The following GALM variants were observed in gnomAD, a reference collection of about 807,000 sequenced individuals.
GALM encodes aldose 1-epimerase.
Under a neutral mutation model 37.4 loss-of-function variants are expected in GALM, and 43 were observed. That is an observed-to-expected ratio of 1.15 (90% CI 0.90 to 1.48). GALM has a LOEUF of 1.48. GALM is among the 40% of genes most tolerant of loss of function. The pLI, the probability that GALM is intolerant of heterozygous loss-of-function variation, is 0.00. For missense variants in GALM, 456 were observed against 419.1 expected, an observed-to-expected ratio of 1.09 and a Z score of -0.77; for synonymous variants, 199 against 170.6, an observed-to-expected ratio of 1.17 and a Z score of -1.30.
chr2:38,713,092 T>G (rs2148450099), intron 4 of GALM, among the ~76,000 whole-genome samples: 1 of 152,264 alleles, frequency 6.6e-6, no homozygotes, highest in East Asian at 1.9e-4. Flanking sequence ...TGTGGGAGCC[T>G]TGCGACTTTT....
At chr2:38,723,167 A>G (rs1317059579) in intron 4 of GALM, among the ~76,000 whole-genome samples, 1 of 152,170 alleles carries the variant, frequency 6.6e-6, no homozygotes, top group Non-Finnish European at 1.5e-5. Context: ...CACTTTCCTT[A>G]TAGACACATC....
chr2:38,696,180 C>T (rs1378351803), intron 4 of GALM, among the ~76,000 whole-genome samples: 1 of 151,470 alleles, frequency 6.6e-6, no homozygotes, highest in African/African-American at 2.4e-5. Context: ...AGTGCAATGG[C>T]GTGATCTCAG....
intron 4 of GALM, among the ~76,000 whole-genome samples, chr2:38,693,625 T>A (rs1328429812): frequency 6.6e-6 from 1 of 152,178 alleles, no homozygotes; most frequent in African/African-American, 2.4e-5. Flanking sequence ...ATCTGTGAGA[T>A]AAGGTGAAGC....
At chr2:38,727,769 C>G (rs960017291) in intron 4 of GALM, among the ~76,000 whole-genome samples, 1 of 151,566 alleles carries the variant, frequency 6.6e-6, no homozygotes, top group Non-Finnish European at 1.5e-5. Context: ...GAAATGTCCT[C>G]TTTTACTCAG....
At chr2:38,685,832 C>A (rs1665503615) in intron 3 of GALM, among the ~76,000 whole-genome samples, 2 of 152,120 alleles carry the variant, frequency 1.3e-5, no homozygotes, top group Non-Finnish European at 2.9e-5. Flanking sequence ...ATTCTCCCGC[C>A]TCAGCCTCTG....
intron 4 of GALM, among the ~76,000 whole-genome samples, chr2:38,705,707 G>A (rs1024012930): frequency 7.9e-5 from 12 of 152,292 alleles, no homozygotes; most frequent in South Asian, 6.2e-4. Flanking sequence ...TCCCAGGGTC[G>A]TGCATGTGCA....
At chr2:38,695,787 C>A (rs1041352409) in intron 4 of GALM, among the ~76,000 whole-genome samples, 55 of 152,178 alleles carry the variant, frequency 3.6e-4, no homozygotes, top group Admixed American at 3.3e-3. Flanking sequence ...ACCTCCACCT[C>A]CCGGGTTCAA....
chr2:38,680,902 G>A (rs1387931197), intron 2 of GALM, among the ~76,000 whole-genome samples: 2 of 152,108 alleles, frequency 1.3e-5, no homozygotes, highest in Non-Finnish European at 2.9e-5. Context: ...TTGGGAGGCC[G>A]AGGCAGGTGG....
At chr2:38,676,529 G>A (rs1285026595) in intron 2 of GALM, among the ~76,000 whole-genome samples, 2 of 152,186 alleles carry the variant, frequency 1.3e-5, no homozygotes, top group African/African-American at 2.4e-5. Flanking sequence ...CTGGGAGGCC[G>A]AGGTGGGCAG....
chr2:38,687,054 G>A (rs62142655), intron 3 of GALM, among the ~76,000 whole-genome samples: 33,412 of 152,090 alleles, frequency 0.22, 4,682 homozygotes, highest in Non-Finnish European at 0.3. Flanking sequence ...CCCTTGTCTC[G>A]ACTGACCCAA....
intron 3 of GALM, among the ~76,000 whole-genome samples, chr2:38,688,696 G>T (rs965600275): frequency 6.6e-6 from 1 of 152,094 alleles, no homozygotes; most frequent in African/African-American, 2.4e-5. Flanking sequence ...AATAATATTT[G>T]TACTAGAAAC....
chr2:38,678,842 C>T (rs773555829), intron 2 of GALM, among the ~76,000 whole-genome samples: 32 of 152,298 alleles, frequency 2.1e-4, no homozygotes, highest in Non-Finnish European at 3.2e-4. Context: ...TATTATCTTT[C>T]AAGTCCATAG....
intron 1 of GALM, among the ~76,000 whole-genome samples, chr2:38,666,922 G>C (rs149594970): frequency 1.3e-5 from 2 of 152,208 alleles, no homozygotes; most frequent in East Asian, 3.9e-4. Flanking sequence ...TCAGAGATCA[G>C]GTCTCCTACC....
chr2:38,677,620 G>T lies in GALM; in HGVS notation c.345+1554G>T, dbSNP rs73930825. ...TTAGGACAGCACCTCGTTCTAGCTT[G>T]CCCCTGCTCCCCCTGTTCACTGTGG... On this transcript the variant is annotated intron_variant, in intron 2 of 6. Transcript: ENST00000272252. Among the ~76,000 whole-genome samples the T allele has an allele frequency of 3.6e-3, 551 of 152,290 alleles. 6 individuals are homozygous for T. Among genetic ancestry groups the T allele is most frequent in the African/African-American group, 0.013 (525 of 41,564 alleles).
intron 4 of GALM, among the ~76,000 whole-genome samples, chr2:38,719,549 C>T (rs948791431): frequency 2.0e-5 from 3 of 150,122 alleles, no homozygotes; most frequent in South Asian, 2.2e-4. Flanking sequence ...CTGAAGTGGG[C>T]GGATCACTTG....
At chr2:38,686,791 G>A (rs1665549118) in intron 3 of GALM, among the ~76,000 whole-genome samples, 2 of 152,206 alleles carry the variant, frequency 1.3e-5, no homozygotes, top group Non-Finnish European at 2.9e-5. Context: ...TTCTAAGGAG[G>A]CAGGCACCTA....
rs751105994 is a variant in GALM, at chr2:38,727,450, C to T, written c.635-2106C>T. Among the ~76,000 whole-genome samples, 11 of 151,494 alleles carry T rather than the reference C, an allele frequency of 7.3e-5. 1 individual carries two copies. In the South Asian group the frequency reaches 1.0e-3, roughly 14 times the overall value. On this transcript the variant is annotated intron_variant, in intron 4 of 6. Transcript: ENST00000272252. ...CTGAGTTTAAGAAAAGAAATGGGGC[C>T]GGGTGCAGTGGTTCACGCCTGTAAT...
intron 4 of GALM, among the ~76,000 whole-genome samples, chr2:38,705,593 C>G (rs1424975686): frequency 6.6e-6 from 1 of 152,120 alleles, no homozygotes; most frequent in Non-Finnish European, 1.5e-5. Flanking sequence ...AGTGAGAGTA[C>G]CAAAGCACAG....
intron 3 of GALM, 152 bp from the exon 4 acceptor site, chr2:38,689,661 A>G (rs533055644): frequency 6.5e-6 from 4 of 613,390 alleles, no homozygotes; most frequent in East Asian, 5.3e-5. Flanking sequence ...ATCTACCTCC[A>G]CTTAGTTGAT....
Sources: allele counts gnomAD v4.1 joint callset (sites outside exome capture counted in the v4.1 genomes callset), GRCh38; gene constraint gnomAD v4.1.1; transcripts MANE v1.5; gene names NCBI Gene and HGNC (gene_info 2026-07-23, HGNC 2026-07-21).